The following MRPL19 variants were observed in gnomAD, a reference collection of about 807,000 sequenced individuals.
MRPL19 encodes large ribosomal subunit protein bL19m.
MRPL19 carries 31 observed loss-of-function variants against 34.0 expected under a neutral mutation model. That is an observed-to-expected ratio of 0.91 (90% CI 0.68 to 1.23). MRPL19 has a LOEUF of 1.23. Among genes scored for constraint, MRPL19 ranks in the 50% most tolerant of loss-of-function variants. MRPL19 has a pLI of 0.00. For synonymous variants in MRPL19, 152 were observed against 127.7 expected (o/e 1.19, Z -1.28); for missense variants, 384 against 367.6 (o/e 1.04, Z -0.37).
At chr2:75,649,878 C>T (rs1449895037) in intron 2 of MRPL19, among the ~76,000 whole-genome samples, 1 of 152,118 alleles carries the variant, frequency 6.6e-6, no homozygotes, top group Non-Finnish European at 1.5e-5. Context: ...AACGATCTAC[C>T]CTCCTCGGCC....
At chr2:75,647,002 G>GT in intron 1 of MRPL19, 92 bp downstream of exon 1, 1 of 1,481,482 alleles carries the variant, frequency 6.7e-7, no homozygotes, top group Admixed American at 2.2e-5. Context: ...CAACCCCAGC[G>GT]TTGGTCCCCC....
At position 75,652,578 on chromosome 2, in the gene MRPL19, GT is replaced by G; in HGVS notation, c.399del (p.Leu134TrpfsTer46). On this transcript the variant is annotated frameshift_variant, in exon 4 of 6. Transcript: ENST00000393909. LOFTEE classifies it high-confidence loss of function. ...DPYASGKISQ[F>X]LGICIQRSGR... The stretch of plus-strand genomic sequence containing the variant: ...CATATGCCAGTGGAAAAATCAGCCA[GT>G]TTCTGGGGATTTGCATTCAGAGATC... The G allele has an allele frequency of 6.2e-7, 1 of 1,613,838 alleles. No homozygotes were observed. The highest frequency in any genetic ancestry group is 1.1e-5 in the South Asian group (1 of 91,052).
At chr2:75,647,293 C>G (rs1020899267) in intron 2 of MRPL19, 74 bp downstream of exon 2, 20 of 1,426,854 alleles carry the variant, frequency 1.4e-5, no homozygotes, top group African/African-American at 5.7e-5. Context: ...TTCGAGGTCC[C>G]GGCTCTAAGG....
At chr2:75,647,307 G>T (rs1255214008) in intron 2 of MRPL19, 88 bp downstream of exon 2, 3 of 1,218,170 alleles carry the variant, frequency 2.5e-6, no homozygotes, top group East Asian at 2.6e-5. Flanking sequence ...TCTAAGGTGG[G>T]GGCTGCACCT....
chr2:75,647,484 C>T (rs1678249247), intron 2 of MRPL19: 2 of 447,202 alleles, frequency 4.5e-6, no homozygotes, highest in Non-Finnish European at 8.0e-6. Context: ...GGTATTTGTC[C>T]TGTACCAGAG....
rs773590130 is a variant in MRPL19 at position 75,652,523 on chromosome 2, G to A, written c.341G>A (p.Gly114Glu). ...GTTCACTTCTCTTTTGAATTTGTAG[G>A]AAGTATTCTTCGTGTTACTACAGCT... ...KVLHIPEFYVGSILRVTTADP... is the reference protein window; with the variant it reads ...KVLHIPEFYVESILRVTTADP... Residue 114 changes from glycine to glutamate, a missense_variant and splice_region_variant, in exon 4 of 6, where the codon GGA becomes GAA. Gly to Glu is a moderately conservative substitution (Grantham distance 98, BLOSUM62 -2). Transcript: ENST00000393909. 6.2e-7 allele frequency: 1 copy of A among 1,609,572 alleles called. No homozygotes were observed. Among genetic ancestry groups the A allele is most frequent in the South Asian group, 1.1e-5 (1 of 89,572 alleles).
Position 75,660,091 on chromosome 2 carries a change from T to G in MRPL19, c.*4806T>G, listed in dbSNP as rs939230614. Among the ~76,000 whole-genome samples, 1 of 152,178 alleles carries G rather than the reference T, an allele frequency of 6.6e-6. No individual in the cohort carries two copies. The highest frequency in any genetic ancestry group is 2.4e-5 in the African/African-American group (1 of 41,458). On this transcript the variant is annotated 3_prime_UTR_variant, in exon 6 of 6. Coordinates refer to ENST00000393909, the MANE Select transcript of MRPL19 (RefSeq NM_014763.4). ...TTATTGCAGTTGCCCTTCTTTTTAT[T>G]TTTTTCAAGTTTGTTGATTCTTCTC...
At position 75,652,123 on chromosome 2, in the gene MRPL19, T is replaced by C. The variant is rs1471142256; in HGVS notation, c.222-19T>C. On this transcript the variant is annotated intron_variant, in intron 2 of 5. Coordinates refer to ENST00000393909, the MANE Select transcript of MRPL19 (RefSeq NM_014763.4). ...GCCTTTTGAGTTTACTTTTAATTAT[T>C]TATTTGTATTTTTTACAGGTTCTTG... 4 of 1,426,140 alleles carry C rather than the reference T, an allele frequency of 2.8e-6. No individual in the cohort carries two copies. Among genetic ancestry groups the C allele is most frequent in the Non-Finnish European group, 3.8e-6 (4 of 1,045,322 alleles). The allele number at this position is 1,426,140 out of a possible 1,614,324, so 88.3% of individuals were successfully genotyped here.
Position 75,655,473 on chromosome 2 carries a change from A to G in MRPL19, c.*188A>G. 2.0e-6 allele frequency: 1 copy of G among 498,266 alleles called. No homozygotes were observed. The highest frequency in any genetic ancestry group is 3.5e-6 in the Non-Finnish European group (1 of 287,046). The allele number at this position is 498,266 out of a possible 1,614,324, so 30.9% of individuals were successfully genotyped here. On this transcript the variant is annotated 3_prime_UTR_variant, in exon 6 of 6. Coordinates refer to ENST00000393909, the MANE Select transcript of MRPL19 (RefSeq NM_014763.4). ...TATTACTCTAAAAAGAGAATTACAC[A>G]TGCCAAATGGACCAATGTCCATTTG...
rs1678436577 is a variant in MRPL19, at chr2:75,655,808, A to G, written c.*523A>G. The G allele has an allele frequency of 6.6e-6, 1 of 152,072 alleles. No homozygotes were observed. Among genetic ancestry groups the G allele is most frequent in the African/African-American group, 2.4e-5 (1 of 41,386 alleles). The allele number at this position is 152,072 out of a possible 1,614,324, so 9.4% of individuals were successfully genotyped here. Reference sequence around the variant, plus strand: ...TAAATATCATCTTGACTTGTTAATTATTCCCTTGCATTTCTTTTAGTTTAC... The same window carrying G: ...TAAATATCATCTTGACTTGTTAATTGTTCCCTTGCATTTCTTTTAGTTTAC... On this transcript the variant is annotated 3_prime_UTR_variant, in exon 6 of 6. Coordinates refer to ENST00000393909, the MANE Select transcript of MRPL19 (RefSeq NM_014763.4).
chr2:75,649,353 C>CT (rs1678283260), intron 2 of MRPL19, among the ~76,000 whole-genome samples: 1 of 152,048 alleles, frequency 6.6e-6, no homozygotes, highest in Non-Finnish European at 1.5e-5. Flanking sequence ...CCCAGGACAG[C>CT]TTTAAATGTG....
rs534384632 is a variant in MRPL19 at position 75,660,696 on chromosome 2, T to G, written c.*5411T>G. On this transcript the variant is annotated 3_prime_UTR_variant, in exon 6 of 6. Coordinates refer to ENST00000393909, the MANE Select transcript of MRPL19 (RefSeq NM_014763.4). ...AGCAGAAAAATCTCTCTCCCAGTCT[T>G]TCCAGTCTTTGTAGATTGGTTCTGT... 1 of 152,360 alleles carries G rather than the reference T, an allele frequency of 6.6e-6. No individual in the cohort carries two copies. The highest frequency in any genetic ancestry group is 6.5e-5 in the Admixed American group (1 of 15,296). 9.4% of individuals were successfully genotyped at this position (152,360 alleles called of 1,614,324 possible). A position where few individuals can be genotyped will look rare whatever the true frequency, so the allele number is the denominator to read the frequency against.
intron 2 of MRPL19, among the ~76,000 whole-genome samples, chr2:75,649,719 A>G (rs777690940): frequency 3.3e-5 from 5 of 151,494 alleles, no homozygotes; most frequent in African/African-American, 4.9e-5. Context: ...TGGCTCTGCA[A>G]CTCCTACTCC....
In MRPL19 at chr2:75,646,895, G is replaced by A. The variant is rs1678233803; in HGVS notation, c.88G>A (p.Ala30Thr). 1 of 1,595,368 alleles carries A rather than the reference G, an allele frequency of 6.3e-7. No homozygotes were observed. The highest frequency in any genetic ancestry group is 8.5e-7 in the Non-Finnish European group (1 of 1,171,326). The change falls in exon 1 of 6, where the codon GCC becomes ACC. Residue 30 changes from alanine to threonine, a missense_variant. Physicochemically the swap from Ala to Thr is moderately conservative, Grantham distance 58. Coordinates refer to ENST00000393909, the MANE Select transcript of MRPL19 (RefSeq NM_014763.4). The part of the protein sequence containing the change: ...QAARTLLPPP[A>T]SIACRVHAGP... ...CGCCAGGACTCTGCTCCCCCCGCCG[G>A]CCTCTATCGCCTGCAGTAAGTGGAG...
intron 3 of MRPL19, 81 bp downstream of exon 3, chr2:75,652,341 A>C: frequency 7.5e-7 from 1 of 1,332,712 alleles, no homozygotes; most frequent in Non-Finnish European, 1.1e-6. Flanking sequence ...CTTAAAAAGC[A>C]AAAGAAGATT....
rs1678452343 is a variant in MRPL19, at chr2:75,656,345, AT to A, written c.*1061del. ...TCCTCAGGTTAAAAAATACAGTACT[AT>A]CCTAAATCTTGAAGGCAACTCTCAG... On this transcript the variant is annotated 3_prime_UTR_variant, in exon 6 of 6. Coordinates refer to ENST00000393909, the MANE Select transcript of MRPL19 (RefSeq NM_014763.4). The A allele has an allele frequency of 6.6e-6, 1 of 152,148 alleles. No homozygotes were observed. The highest frequency in any genetic ancestry group is 1.5e-5 in the Non-Finnish European group (1 of 68,010). The allele number at this position is 152,148 out of a possible 1,614,324, so 9.4% of individuals were successfully genotyped here. A position where few individuals can be genotyped will look rare whatever the true frequency, so the allele number is the denominator to read the frequency against.
intron 2 of MRPL19, among the ~76,000 whole-genome samples, chr2:75,650,453 G>T (rs560409706): frequency 3.3e-5 from 5 of 152,216 alleles, no homozygotes; most frequent in African/African-American, 1.2e-4. Context: ...AAATCAAAAC[G>T]GGGACACTAA....
chr2:75,654,769 G>A lies in MRPL19; in HGVS notation c.509G>A (p.Arg170Gln), dbSNP rs759542513. 75 of 1,613,446 alleles carry A rather than the reference G, an allele frequency of 4.6e-5. No homozygotes were observed. The Admixed American group carries it at 4.7e-4, about 10-fold the overall frequency. ...VEICFELYNP[R>Q]VQEIQVVKLE... is the part of the protein sequence containing the mutation. ...ATTTGCTTTGAACTTTATAATCCTC[G>A]GGTCCAGGAGATTCAGGTGGTCAAA... Residue 170 changes from arginine to glutamine, a missense_variant, in exon 5 of 6, where the codon CGG (arginine) becomes CAG (glutamine). Arg to Gln is a conservative substitution (Grantham distance 43). Coordinates refer to ENST00000393909, the MANE Select transcript of MRPL19 (RefSeq NM_014763.4).
rs1678510302 is a variant in MRPL19, at chr2:75,658,298, C to T, written c.*3013C>T. Among the ~76,000 whole-genome samples the T allele has an allele frequency of 6.6e-6, 1 of 152,072 alleles. No homozygotes were observed. Among genetic ancestry groups the T allele is most frequent in the Admixed American group, 6.6e-5 (1 of 15,256 alleles). The stretch of plus-strand genomic sequence containing the variant: ...CTGGTCTTGAGTTCCTGGCCTCAAG[C>T]AGTCCTTAAGATTCATCCATGTTGT... On this transcript the variant is annotated 3_prime_UTR_variant, in exon 6 of 6. Coordinates refer to ENST00000393909, the MANE Select transcript of MRPL19 (RefSeq NM_014763.4).
Sources: allele counts gnomAD v4.1 joint callset (sites outside exome capture counted in the v4.1 genomes callset), GRCh38; gene constraint gnomAD v4.1.1; transcripts MANE v1.5; gene names NCBI Gene and HGNC (gene_info 2026-07-23, HGNC 2026-07-21).